Variants in ZMAT4 observed in about 807,000 individuals in gnomAD.
The protein encoded by ZMAT4 is zinc finger matrin-type 4.
ZMAT4 carries 17 observed loss-of-function variants against 28.7 expected under a neutral mutation model. The ratio of observed to expected loss-of-function variants is 0.59; its 90% CI spans 0.41 to 0.89. The LOEUF (loss-of-function observed/expected upper bound fraction) is 0.89. ZMAT4 is among the 40% of genes least tolerant of loss of function. ZMAT4 has a pLI of 0.00. For missense variants in ZMAT4, 240 were observed against 283.8 expected (o/e 0.85, Z 1.11); for synonymous variants, 117 against 109.2 (o/e 1.07, Z -0.44).
At chr8:40,869,551 A>G (rs926837121) in intron 1 of ZMAT4, among the ~76,000 whole-genome samples, 1 of 152,210 alleles carries the variant, frequency 6.6e-6, no homozygotes, top group Non-Finnish European at 1.5e-5. Flanking sequence ...CTACATCACA[A>G]GATTATTAGA....
At position 40,682,414 on chromosome 8, in the gene ZMAT4, C is replaced by A. The variant is rs188139940; in HGVS notation, c.350-7483G>T. Among the ~76,000 whole-genome samples the A allele has an allele frequency of 1.8e-3, 268 of 152,232 alleles. 3 individuals carry two copies. Among genetic ancestry groups the A allele is most frequent in the Middle Eastern group, 6.8e-3 (2 of 294 alleles). On this transcript the variant is annotated intron_variant, in intron 4 of 6. Coordinates refer to ENST00000297737, the MANE Select transcript of ZMAT4 (RefSeq NM_024645.3). ...AGCTTCCCTGATTTCTCTAAAAGATCCTGAGAAAAGCAGTTGTCCCACTGT... is the reference window on the plus strand; with the variant it reads ...AGCTTCCCTGATTTCTCTAAAAGATACTGAGAAAAGCAGTTGTCCCACTGT...
At chr8:40,674,514 C>T in intron 5 of ZMAT4, 190 bp downstream of exon 5, 1 of 575,710 alleles carries the variant, frequency 1.7e-6, no homozygotes, top group South Asian at 2.3e-5. Flanking sequence ...CACTTTGAAA[C>T]AAAGGAGATT....
At chr8:40,766,197 A>T (rs544167838) in intron 3 of ZMAT4, among the ~76,000 whole-genome samples, 17 of 152,216 alleles carry the variant, frequency 1.1e-4, no homozygotes, top group African/African-American at 3.9e-4. Flanking sequence ...TTTTGTCTCC[A>T]TGTTTCTTTG....
At chr8:40,653,498 T>C (rs1295516371) in intron 5 of ZMAT4, among the ~76,000 whole-genome samples, 4 of 152,028 alleles carry the variant, frequency 2.6e-5, no homozygotes, top group Non-Finnish European at 5.9e-5. Context: ...TCAACAAAAC[T>C]GATAAATATC....
chr8:40,595,479 G>A (rs1805059755), intron 5 of ZMAT4, among the ~76,000 whole-genome samples: 1 of 152,126 alleles, frequency 6.6e-6, no homozygotes, highest in African/African-American at 2.4e-5. Flanking sequence ...ACATCAGAGT[G>A]TACTTACATA....
At chr8:40,581,938 C>T (rs1466327367) in intron 5 of ZMAT4, among the ~76,000 whole-genome samples, 1 of 152,172 alleles carries the variant, frequency 6.6e-6, no homozygotes, top group Non-Finnish European at 1.5e-5. Flanking sequence ...CTTGACTGAT[C>T]TAGAGCCAAT....
At position 40,651,345 on chromosome 8, in the gene ZMAT4, A is replaced by C. The variant is rs182000257; in HGVS notation, c.577+23359T>G. Among the ~76,000 whole-genome samples, 4 of 152,318 alleles carry C rather than the reference A, an allele frequency of 2.6e-5. No individual in the cohort carries two copies. The East Asian group carries it at 7.7e-4, about 29-fold the overall frequency. The stretch of plus-strand genomic sequence containing the variant: ...ATTCACAATTGCTTTAAAGAGAATA[A>C]AATACCTAGGAATGCAACTTACAAG... On this transcript the variant is annotated intron_variant, in intron 5 of 6. Transcript: ENST00000297737.
At chr8:40,841,169 G>T (rs570020168) in intron 1 of ZMAT4, among the ~76,000 whole-genome samples, 18 of 152,216 alleles carry the variant, frequency 1.2e-4, no homozygotes, top group African/African-American at 4.3e-4. Context: ...ACGTAGTAGA[G>T]TCTAAAGTGT....
chr8:40,577,373 T>C (rs1804301965), intron 6 of ZMAT4, among the ~76,000 whole-genome samples: 1 of 152,114 alleles, frequency 6.6e-6, no homozygotes, highest in Admixed American at 6.5e-5. Context: ...TTTCTATTCA[T>C]GGAAGCATGG....
At chr8:40,788,542 A>T (rs1451865695) in intron 2 of ZMAT4, among the ~76,000 whole-genome samples, 1 of 152,166 alleles carries the variant, frequency 6.6e-6, no homozygotes, top group Non-Finnish European at 1.5e-5. Flanking sequence ...CTGAGATTGC[A>T]CCACTGCACA....
At chr8:40,545,051 G>T (rs1563333841) in intron 6 of ZMAT4, among the ~76,000 whole-genome samples, 1 of 152,138 alleles carries the variant, frequency 6.6e-6, no homozygotes, top group Admixed American at 6.5e-5. Flanking sequence ...ATCATTGTGA[G>T]TTGCTGTATG....
intron 5 of ZMAT4, among the ~76,000 whole-genome samples, chr8:40,653,404 A>G: frequency 6.6e-6 from 1 of 152,084 alleles, no homozygotes. Context: ...AGGAAATAAT[A>G]CATTAGAATA....
intron 1 of ZMAT4, among the ~76,000 whole-genome samples, chr8:40,864,015 T>C (rs536407806): frequency 1.3e-5 from 2 of 152,344 alleles, no homozygotes; most frequent in Admixed American, 6.5e-5. Context: ...GTGTCCAACA[T>C]AGGGAAGGTA....
intron 3 of ZMAT4, among the ~76,000 whole-genome samples, chr8:40,732,547 C>A (rs1811585092): frequency 6.6e-6 from 1 of 152,248 alleles, no homozygotes; most frequent in Non-Finnish European, 1.5e-5. Context: ...CTGGTAGGAA[C>A]AGGCACCTGC....
intron 1 of ZMAT4, among the ~76,000 whole-genome samples, chr8:40,876,898 T>C (rs1372174264): frequency 6.6e-6 from 1 of 152,204 alleles, no homozygotes; most frequent in Non-Finnish European, 1.5e-5. Flanking sequence ...GGAAAGTTAT[T>C]CCCAGAGGGA....
chr8:40,848,306 C>T (rs1360526988), intron 1 of ZMAT4, among the ~76,000 whole-genome samples: 4 of 152,192 alleles, frequency 2.6e-5, no homozygotes, highest in Non-Finnish European at 5.9e-5. Context: ...TCAGACTTTC[C>T]ACTGTAGGAC....
chr8:40,715,319 G>A (rs1023782707), intron 3 of ZMAT4, among the ~76,000 whole-genome samples: 4 of 152,080 alleles, frequency 2.6e-5, no homozygotes, highest in Non-Finnish European at 5.9e-5. Flanking sequence ...GAGCCTTATA[G>A]CTGATTATAA....
intron 3 of ZMAT4, among the ~76,000 whole-genome samples, chr8:40,704,607 A>G (rs575377158): frequency 2.0e-5 from 3 of 152,252 alleles, no homozygotes; most frequent in South Asian, 2.1e-4. Flanking sequence ...CAGGAAATTT[A>G]TAAGAACTTT....
At chr8:40,649,124 A>G (rs1232577463) in intron 5 of ZMAT4, among the ~76,000 whole-genome samples, 1 of 106,688 alleles carries the variant, frequency 9.4e-6, no homozygotes, top group Non-Finnish European at 2.2e-5. Context: ...AAAGACACAG[A>G]CTGGCAAATT....
Sources: allele counts gnomAD v4.1 joint callset (sites outside exome capture counted in the v4.1 genomes callset), GRCh38; gene constraint gnomAD v4.1.1; transcripts MANE v1.5; gene names NCBI Gene and HGNC (gene_info 2026-07-23, HGNC 2026-07-21).